ADAMTS3: variants seen among roughly 807,000 people sequenced by gnomAD.
The protein encoded by ADAMTS3 is A disintegrin and metalloproteinase with thrombospondin motifs 3.
A neutral mutation model predicts 129.0 loss-of-function variants in ADAMTS3; 73 were observed. That is an observed-to-expected ratio of 0.57 (90% CI 0.47 to 0.69). ADAMTS3 has a LOEUF of 0.69. ADAMTS3 is among the 30% of genes least tolerant of loss of function. The pLI, the probability that ADAMTS3 is intolerant of heterozygous loss-of-function variation, is 0.00. For missense variants in ADAMTS3, 1,457 were observed against 1,514.5 expected, an observed-to-expected ratio of 0.96 and a Z score of 0.63; for synonymous variants, 477 against 510.8, an observed-to-expected ratio of 0.93 and a Z score of 0.89.
intron 17 of ADAMTS3, among the ~76,000 whole-genome samples, chr4:72,299,293 A>G (rs1209954520): frequency 6.6e-6 from 1 of 152,062 alleles, no homozygotes; most frequent in Non-Finnish European, 1.5e-5. Context: ...CCAGTGATGG[A>G]TGCACTGAAG....
intron 3 of ADAMTS3, among the ~76,000 whole-genome samples, chr4:72,459,282 C>G (rs535054100): frequency 6.6e-6 from 1 of 151,530 alleles, no homozygotes; most frequent in South Asian, 2.1e-4. Context: ...AGATGGCTTT[C>G]CCAGCATAGA....
At chr4:72,364,246 T>C (rs1016261688) in intron 4 of ADAMTS3, among the ~76,000 whole-genome samples, 4 of 151,912 alleles carry the variant, frequency 2.6e-5, no homozygotes, top group Non-Finnish European at 5.9e-5. Context: ...AAAACGACAA[T>C]AGAAGGACAT....
chr4:72,564,867 A>G (rs901365127), intron 2 of ADAMTS3, among the ~76,000 whole-genome samples: 1 of 152,238 alleles, frequency 6.6e-6, no homozygotes, highest in Admixed American at 6.5e-5. Context: ...ACTAAGAAGT[A>G]CATATCCTGT....
At chr4:72,543,159 T>C (rs557972307) in intron 3 of ADAMTS3, among the ~76,000 whole-genome samples, 1 of 152,186 alleles carries the variant, frequency 6.6e-6, no homozygotes, top group Non-Finnish European at 1.5e-5. Flanking sequence ...TACTAACTTA[T>C]CACATGTCTG....
intron 4 of ADAMTS3, among the ~76,000 whole-genome samples, chr4:72,352,720 G>C (rs1720472593): frequency 1.3e-5 from 2 of 151,992 alleles, no homozygotes; most frequent in African/African-American, 4.8e-5. Context: ...CAGAGGAGGT[G>C]ACATCTGAAA....
At chr4:72,291,566 C>A (rs1398062960) in intron 19 of ADAMTS3, among the ~76,000 whole-genome samples, 1 of 151,872 alleles carries the variant, frequency 6.6e-6, no homozygotes, top group Non-Finnish European at 1.5e-5. Flanking sequence ...CATGTCCCTA[C>A]AAAGGACATG....
rs1377388211 is a variant in ADAMTS3 at position 72,283,043 on chromosome 4, T to C, written c.*93A>G. 12 of 1,100,670 alleles carry C rather than the reference T, an allele frequency of 1.1e-5. No individual in the cohort carries two copies. The highest frequency in any genetic ancestry group is 1.3e-5 in the Non-Finnish European group (10 of 760,542). The allele number at this position is 1,100,670 out of a possible 1,614,324, so 68.2% of individuals were successfully genotyped here. A position where few individuals can be genotyped will look rare whatever the true frequency, so the allele number is the denominator to read the frequency against. On this transcript the variant is annotated 3_prime_UTR_variant, in exon 22 of 22. Transcript: ENST00000286657. ...ACAGATAAAATGAGCTGACGATCTATAGAGATTTCCACTTTAAACAAGCAT... is the reference window on the plus strand; with the variant it reads ...ACAGATAAAATGAGCTGACGATCTACAGAGATTTCCACTTTAAACAAGCAT...
chr4:72,472,084 C>T (rs1023938126), intron 3 of ADAMTS3, among the ~76,000 whole-genome samples: 6 of 152,084 alleles, frequency 3.9e-5, no homozygotes, highest in African/African-American at 9.7e-5. Flanking sequence ...GAAATAAGAA[C>T]TGAGTTTAAC....
chr4:72,385,813 C>T (rs1228181814), intron 4 of ADAMTS3, among the ~76,000 whole-genome samples: 1 of 152,002 alleles, frequency 6.6e-6, no homozygotes, highest in Non-Finnish European at 1.5e-5. Context: ...GCAATATACC[C>T]ATGTAACAAA....
chr4:72,544,378 C>T (rs1029725444), intron 3 of ADAMTS3, among the ~76,000 whole-genome samples: 1 of 152,040 alleles, frequency 6.6e-6, no homozygotes, highest in African/African-American at 2.4e-5. Flanking sequence ...AGTGTTAAAT[C>T]ATACAACTTA....
chr4:72,282,199 C>G lies in ADAMTS3; in HGVS notation c.*937G>C, dbSNP rs72653976. 2 of 152,092 alleles carry G rather than the reference C, an allele frequency of 1.3e-5. No individual in the cohort carries two copies. Among genetic ancestry groups the G allele is most frequent in the South Asian group, 4.1e-4 (2 of 4,822 alleles). The allele number at this position is 152,092 out of a possible 1,614,324, so 9.4% of individuals were successfully genotyped here. ...TAACTGTTTGTATCTGTCAACAATG[C>G]GAAAATTAAAAAAGAACACACACAC... is the stretch of plus-strand genomic sequence containing the variant. On this transcript the variant is annotated 3_prime_UTR_variant, in exon 22 of 22. Transcript: ENST00000286657.
chr4:72,550,930 T>C (rs113792323), intron 2 of ADAMTS3, among the ~76,000 whole-genome samples: 15 of 152,232 alleles, frequency 9.9e-5, no homozygotes, highest in African/African-American at 3.6e-4. Context: ...AATACCATCA[T>C]ACAAGATTTT....
chr4:72,396,170 T>A (rs376752657), intron 4 of ADAMTS3, among the ~76,000 whole-genome samples: 3 of 152,092 alleles, frequency 2.0e-5, no homozygotes, highest in African/African-American at 7.2e-5. Flanking sequence ...CAGAAACTGG[T>A]GGAGGGTTAG....
At chr4:72,387,352 TAC>T (rs1721475189) in intron 4 of ADAMTS3, among the ~76,000 whole-genome samples, 1 of 152,242 alleles carries the variant, frequency 6.6e-6, no homozygotes, top group Non-Finnish European at 1.5e-5. Flanking sequence ...ACTGTCAGAA[TAC>T]AGATGTTCTT....
intron 3 of ADAMTS3, among the ~76,000 whole-genome samples, chr4:72,420,045 A>C (rs1722404966): frequency 6.6e-6 from 1 of 152,136 alleles, no homozygotes; most frequent in Non-Finnish European, 1.5e-5. Flanking sequence ...GAGTGGGGAA[A>C]GAATTAATTT....
At position 72,323,105 on chromosome 4, in the gene ADAMTS3, C is replaced by T. The variant is rs1719603446; in HGVS notation, c.862-8G>A. On this transcript the variant is annotated splice_region_variant and splice_polypyrimidine_tract_variant and intron_variant, in intron 5 of 21. Transcript: ENST00000286657. ...ATGGTAAATTTCATTCACCTAGCAA[C>T]AAAAAAAGATAATTGCTAAAAGAAA... 3 of 1,605,726 alleles carry T rather than the reference C, an allele frequency of 1.9e-6. No individual in the cohort carries two copies. The highest frequency in any genetic ancestry group is 2.6e-6 in the Non-Finnish European group (3 of 1,173,634).
At chr4:72,526,487 T>C (rs1720809589) in intron 3 of ADAMTS3, among the ~76,000 whole-genome samples, 1 of 151,100 alleles carries the variant, frequency 6.6e-6, no homozygotes, top group Non-Finnish European at 1.5e-5. Context: ...TTCCTCAAAA[T>C]ATACTAATAA....
intron 4 of ADAMTS3, among the ~76,000 whole-genome samples, chr4:72,403,852 C>A (rs1196711720): frequency 1.3e-5 from 2 of 151,914 alleles, no homozygotes; most frequent in Admixed American, 1.3e-4. Flanking sequence ...AGAACTTGCA[C>A]AATGGGAATA....
At chr4:72,530,642 A>G (rs1445983659) in intron 3 of ADAMTS3, among the ~76,000 whole-genome samples, 3 of 81,960 alleles carry the variant, frequency 3.7e-5, no homozygotes, top group Non-Finnish European at 6.4e-5. Flanking sequence ...ATAATATATT[A>G]TATATAATAT....
Sources: allele counts gnomAD v4.1 joint callset (sites outside exome capture counted in the v4.1 genomes callset), GRCh38; gene constraint gnomAD v4.1.1; transcripts MANE v1.5; gene names NCBI Gene and HGNC (gene_info 2026-07-23, HGNC 2026-07-21).